OSTC: variants seen among roughly 807,000 people sequenced by gnomAD.
The protein encoded by OSTC is oligosaccharyltransferase complex non-catalytic subunit.
Under a neutral mutation model 16.4 loss-of-function variants are expected in OSTC, and 16 were observed. That is an observed-to-expected ratio of 0.98 (90% CI 0.66 to 1.49). The LOEUF is 1.49. Among genes scored for constraint, OSTC ranks in the 40% most tolerant of loss-of-function variants. The pLI is 0.00. For missense variants in OSTC, 139 were observed against 186.3 expected (o/e 0.75, Z 1.48); for synonymous variants, 67 against 68.5 (o/e 0.98, Z 0.11).
intron 3 of OSTC, 33 bp downstream of exon 3, chr4:108,657,680 G>A (rs1400924114): frequency 3.9e-6 from 6 of 1,531,156 alleles, no homozygotes; most frequent in Non-Finnish European, 5.4e-6. Context: ...ACCTTATGTT[G>A]CAAATTGGTA....
At chr4:108,660,400 A>G (rs1295049063) in intron 3 of OSTC, among the ~76,000 whole-genome samples, 1 of 152,196 alleles carries the variant, frequency 6.6e-6, no homozygotes, top group Non-Finnish European at 1.5e-5. Flanking sequence ...ACAGTTTTAT[A>G]TAAGAAATGG....
chr4:108,653,666 A>G (rs1268961144), intron 1 of OSTC, among the ~76,000 whole-genome samples: 1 of 152,096 alleles, frequency 6.6e-6, no homozygotes, highest in Non-Finnish European at 1.5e-5. Context: ...TTGGTGGAAA[A>G]TGGTGCACCA....
intron 2 of OSTC, among the ~76,000 whole-genome samples, chr4:108,657,113 C>T (rs1726728872): frequency 6.6e-6 from 1 of 150,954 alleles, no homozygotes; most frequent in African/African-American, 2.4e-5. Flanking sequence ...CGTTCGTATA[C>T]ATAAAATATG....
chr4:108,659,563 T>C (rs1366207272), intron 3 of OSTC, among the ~76,000 whole-genome samples: 1 of 151,988 alleles, frequency 6.6e-6, no homozygotes, highest in Non-Finnish European at 1.5e-5. Flanking sequence ...GGTCAGGAGA[T>C]CAAAACCATC....
intron 1 of OSTC, 22 bp downstream of exon 1, chr4:108,650,816 G>A (rs1336220418): frequency 6.2e-7 from 1 of 1,613,816 alleles, no homozygotes. Flanking sequence ...TGTCGGGCCC[G>A]AGAGGCTGAG....
At chr4:108,655,536 C>G (rs1413923069) in intron 1 of OSTC, 28 bp from the exon 2 acceptor site, 1 of 1,358,906 alleles carries the variant, frequency 7.4e-7, no homozygotes, top group Non-Finnish European at 1.0e-6. Flanking sequence ...GTAATACAAT[C>G]TAATCTGTTC....
At chr4:108,666,783 A>T (rs1298332921) in intron 3 of OSTC, among the ~76,000 whole-genome samples, 1 of 150,042 alleles carries the variant, frequency 6.7e-6, no homozygotes, top group African/African-American at 2.5e-5. Context: ...AGGCAGGCGG[A>T]TCACCTGAAG....
chr4:108,656,459 CA>C (rs57779434), intron 2 of OSTC, among the ~76,000 whole-genome samples: 34,917 of 121,608 alleles, frequency 0.29, 7,278 homozygotes, highest in African/African-American at 0.59. Flanking sequence ...AACAATTGAC[CA>C]AAAAAAAAAA....
chr4:108,657,647 C>T lies in OSTC; in HGVS notation c.431C>T (p.Pro144Leu), dbSNP rs770338881. ...MARVFMRMKL[P>L]GYLMG ...AGAGTATTCATGAGAATGAAACTGC[C>T]GTAAGTTATTTGTGTAATCAGCACC... is the stretch of plus-strand genomic sequence containing the variant. The change falls in exon 3 of 4, where the codon CCG becomes CTG. Residue 144 changes from proline (P) to leucine (L), a missense_variant and splice_region_variant. By Grantham distance (98) the Pro-to-Leu change is moderately conservative. Coordinates refer to ENST00000361564, the MANE Select transcript of OSTC (RefSeq NM_021227.4). 5 of 1,608,948 alleles carry T rather than the reference C, an allele frequency of 3.1e-6. No homozygotes were observed. Among genetic ancestry groups the T allele is most frequent in the South Asian group, 2.2e-5 (2 of 90,818 alleles).
Position 108,657,563 on chromosome 4 carries a change from A to G in OSTC, c.347A>G (p.Asn116Ser). 1.2e-6 allele frequency: 2 copies of G among 1,613,682 alleles called. No individual in the cohort carries two copies. The highest frequency in any genetic ancestry group is 1.7e-6 in the Non-Finnish European group (2 of 1,179,676). ...AATGCACCAAATATCCCAAAACTCAATAGATTCCTTCTTCTGTTCATTGGA... is the reference window on the plus strand; with the variant it reads ...AATGCACCAAATATCCCAAAACTCAGTAGATTCCTTCTTCTGTTCATTGGA... Reference protein sequence around the residue: ...RSNAPNIPKLNRFLLLFIGFV... With the variant: ...RSNAPNIPKLSRFLLLFIGFV... The change falls in exon 3 of 4, where the codon AAT (asparagine) becomes AGT (serine). Residue 116 changes from asparagine to serine, a missense_variant. Physicochemically the swap from Asn to Ser is conservative, Grantham distance 46. Transcript: ENST00000361564.
At chr4:108,666,775 G>A (rs1167734788) in intron 3 of OSTC, among the ~76,000 whole-genome samples, 1 of 148,814 alleles carries the variant, frequency 6.7e-6, no homozygotes, top group Non-Finnish European at 1.5e-5. Context: ...GAAGGCCAAG[G>A]CAGGCGGATC....
In OSTC at chr4:108,655,666, T is replaced by C; in HGVS notation, c.233+9T>C. The C allele has an allele frequency of 6.3e-7, 1 of 1,575,982 alleles. No homozygotes were observed. Among genetic ancestry groups the C allele is most frequent in the Non-Finnish European group, 8.7e-7 (1 of 1,146,238 alleles). On this transcript the variant is annotated intron_variant, in intron 2 of 3. Transcript: ENST00000361564. ...GCTTTCTTGGCCTACAGGTAAAAGA[T>C]ACCTTTTTGAATGATTTGGTGGTGG...
intron 3 of OSTC, among the ~76,000 whole-genome samples, chr4:108,665,775 G>T (rs182141373): frequency 6.6e-6 from 1 of 151,950 alleles, no homozygotes; most frequent in Non-Finnish European, 1.5e-5. Context: ...GGCTAGGCTG[G>T]TCTCGAACTC....
intron 3 of OSTC, among the ~76,000 whole-genome samples, chr4:108,662,755 G>C (rs1004361676): frequency 6.6e-6 from 1 of 152,158 alleles, no homozygotes; most frequent in Non-Finnish European, 1.5e-5. Flanking sequence ...TTTCCTTCCA[G>C]ATTTGGAGCT....
At chr4:108,665,489 C>T (rs1726970010) in intron 3 of OSTC, among the ~76,000 whole-genome samples, 1 of 145,620 alleles carries the variant, frequency 6.9e-6, no homozygotes, top group Non-Finnish European at 1.5e-5. Flanking sequence ...GCACTGTTGC[C>T]CAGGCTGGAG....
intron 3 of OSTC, among the ~76,000 whole-genome samples, chr4:108,659,034 A>C (rs1226166477): frequency 2.8e-5 from 3 of 105,650 alleles, no homozygotes; most frequent in African/African-American, 3.9e-5. Context: ...GCTGGAGTGC[A>C]GTGGTGCAAT....
rs1267416849 is a variant in OSTC at position 108,666,452 on chromosome 4, G to A, written c.432-795G>A. ...GGGCCAGGCGCGGTGGCTCACACCTGTAATCCCAGCACTTTGGGAGGCCGA... is the reference window on the plus strand; with the variant it reads ...GGGCCAGGCGCGGTGGCTCACACCTATAATCCCAGCACTTTGGGAGGCCGA... On this transcript the variant is annotated intron_variant, in intron 3 of 3. Coordinates refer to ENST00000361564, the MANE Select transcript of OSTC (RefSeq NM_021227.4). 5.3e-5 allele frequency among the ~76,000 whole-genome samples: 8 copies of A among 152,216 alleles called. No individual in the cohort carries two copies. In the East Asian group the frequency reaches 1.5e-3, roughly 29 times the overall value.
At chr4:108,651,286 T>G (rs970929101) in intron 1 of OSTC, 1 of 158,038 alleles carries the variant, frequency 6.3e-6, no homozygotes, top group African/African-American at 2.4e-5. Flanking sequence ...TTGACAATCT[T>G]TAGTTTTGTT....
chr4:108,664,043 A>G (rs1726932283), intron 3 of OSTC, among the ~76,000 whole-genome samples: 1 of 152,146 alleles, frequency 6.6e-6, no homozygotes, highest in Non-Finnish European at 1.5e-5. Flanking sequence ...GTATTTCAAC[A>G]ATTTTATTTT....
Sources: gnomAD v4.1 joint callset for allele counts (sites outside exome capture counted in the v4.1 genomes callset) on GRCh38, gnomAD v4.1.1 for gene constraint, MANE v1.5 for transcripts, NCBI Gene and HGNC (gene_info 2026-07-23, HGNC 2026-07-21) for gene names.